Variants in R3HCC1L observed in about 807,000 individuals in gnomAD.
R3HCC1L encodes R3H domain and coiled-coil containing 1 like.
A neutral mutation model predicts 59.9 loss-of-function variants in R3HCC1L; 51 were observed. That is an observed-to-expected ratio of 0.85 (90% CI 0.68 to 1.07). The LOEUF (loss-of-function observed/expected upper bound fraction) is 1.07. R3HCC1L is among the 50% of genes least tolerant of loss of function. The pLI is 0.00. For missense variants in R3HCC1L, 965 were observed against 933.0 expected, an observed-to-expected ratio of 1.03 and a Z score of -0.45; for synonymous variants, 322 against 315.2, an observed-to-expected ratio of 1.02 and a Z score of -0.23.
intron 5 of R3HCC1L, among the ~76,000 whole-genome samples, chr10:98,224,008 G>A (rs1685423159): frequency 6.6e-6 from 1 of 152,104 alleles, no homozygotes; most frequent in Non-Finnish European, 1.5e-5. Context: ...GGGGGGTTGT[G>A]GCGGGTCAAT....
chr10:98,145,927 A>G (rs1845606693), intron 1 of R3HCC1L, among the ~76,000 whole-genome samples: 1 of 151,528 alleles, frequency 6.6e-6, no homozygotes, highest in African/African-American at 2.4e-5. Context: ...CCAGCCTGGG[A>G]GACAGAGCGA....
Position 98,209,627 on chromosome 10 carries a change from G to A in R3HCC1L, c.1513G>A (p.Val505Met), listed in dbSNP as rs369504502. 3.0e-4 allele frequency: 478 copies of A among 1,613,858 alleles called. No homozygotes were observed. The highest frequency in any genetic ancestry group is 3.6e-4 in the Non-Finnish European group (429 of 1,179,956). The change falls in exon 5 of 10, where the codon GTG becomes ATG. Residue 505 changes from valine to methionine, a missense_variant. Val to Met is a conservative substitution (Grantham distance 21, BLOSUM62 1). Coordinates refer to ENST00000298999, the MANE Select transcript of R3HCC1L (RefSeq NM_001351015.2). ...GACAAAAGTTCTTTCAGACAGTGCC[G>A]TGGGCATTGACCTGGGTAGTACTGG... ...NGTKVLSDSA[V>M]GIDLGSTGDT...
intron 9 of R3HCC1L, among the ~76,000 whole-genome samples, chr10:98,240,430 A>C (rs1490703273): frequency 2.0e-5 from 3 of 152,224 alleles, no homozygotes; most frequent in Non-Finnish European, 4.4e-5. Context: ...CTCTCAGAAT[A>C]AGCTATCTTC....
intron 4 of R3HCC1L, among the ~76,000 whole-genome samples, chr10:98,166,094 C>T (rs956788679): frequency 1.1e-4 from 16 of 152,140 alleles, no homozygotes; most frequent in African/African-American, 3.1e-4. Context: ...CACTTGAACC[C>T]GGAGGTGGAG....
intron 5 of R3HCC1L, among the ~76,000 whole-genome samples, chr10:98,223,809 A>C (rs896448236): frequency 6.6e-6 from 1 of 152,074 alleles, no homozygotes; most frequent in Admixed American, 6.6e-5. Flanking sequence ...CTGTGCACCA[A>C]AGGTAGTGAG....
intron 4 of R3HCC1L, among the ~76,000 whole-genome samples, chr10:98,182,289 G>T (rs1404902462): frequency 6.6e-6 from 1 of 152,180 alleles, no homozygotes; most frequent in Non-Finnish European, 1.5e-5. Context: ...CTGCAGGTCT[G>T]TTGGAATTTG....
chr10:98,199,663 A>G (rs1296197052), intron 4 of R3HCC1L, among the ~76,000 whole-genome samples: 2 of 151,940 alleles, frequency 1.3e-5, no homozygotes, highest in East Asian at 3.9e-4. Context: ...AATTGAGAAA[A>G]TTAGTATTTG....
chr10:98,161,831 T>G (rs1288330852), intron 2 of R3HCC1L, among the ~76,000 whole-genome samples: 1 of 152,174 alleles, frequency 6.6e-6, no homozygotes, highest in Non-Finnish European at 1.5e-5. Context: ...TTTAAAATTT[T>G]TAGTGTTTTC....
At chr10:98,173,257 A>C (rs965214763) in intron 4 of R3HCC1L, among the ~76,000 whole-genome samples, 3 of 152,184 alleles carry the variant, frequency 2.0e-5, no homozygotes, top group African/African-American at 7.2e-5. Flanking sequence ...TTTTGCAGGA[A>C]CATTGAGCCT....
At chr10:98,225,365 C>A (rs1391478755) in intron 5 of R3HCC1L, among the ~76,000 whole-genome samples, 1 of 152,216 alleles carries the variant, frequency 6.6e-6, no homozygotes, top group East Asian at 1.9e-4. Context: ...TTGACACTTT[C>A]TCCCTTTTAT....
chr10:98,219,510 C>T (rs1355372471), intron 5 of R3HCC1L, among the ~76,000 whole-genome samples: 1 of 152,046 alleles, frequency 6.6e-6, no homozygotes, highest in African/African-American at 2.4e-5. Context: ...TTGTTTCTTT[C>T]TTCCTATCTT....
At chr10:98,141,225 C>T (rs1219488193) in intron 1 of R3HCC1L, among the ~76,000 whole-genome samples, 2 of 152,162 alleles carry the variant, frequency 1.3e-5, no homozygotes, top group Non-Finnish European at 2.9e-5. Context: ...CTTTTAACTA[C>T]AGACTATATG....
intron 4 of R3HCC1L, among the ~76,000 whole-genome samples, chr10:98,184,274 T>C (rs940164889): frequency 1.3e-5 from 2 of 152,172 alleles, no homozygotes; most frequent in African/African-American, 4.8e-5. Context: ...TTTAGCTCTT[T>C]GCTCACAAAC....
At chr10:98,166,176 TCAAA>T (rs965486955) in intron 4 of R3HCC1L, among the ~76,000 whole-genome samples, 9 of 152,012 alleles carry the variant, frequency 5.9e-5, no homozygotes, top group East Asian at 3.9e-4. Flanking sequence ...GTCTCAAAAA[TCAAA>T]CAAACAAACC....
At chr10:98,194,158 A>G (rs1032309155) in intron 4 of R3HCC1L, among the ~76,000 whole-genome samples, 1 of 152,178 alleles carries the variant, frequency 6.6e-6, no homozygotes, top group East Asian at 1.9e-4. Context: ...AGCACAGACT[A>G]GAGAGCCCAG....
At chr10:98,195,442 GTTC>G (rs776276677) in intron 4 of R3HCC1L, among the ~76,000 whole-genome samples, 3 of 149,498 alleles carry the variant, frequency 2.0e-5, no homozygotes, top group East Asian at 2.0e-4. Context: ...GTAAATTTAT[GTTC>G]TTTTTTTTTT....
At chr10:98,139,546 A>G (rs749137295) in intron 1 of R3HCC1L, among the ~76,000 whole-genome samples, 8 of 152,236 alleles carry the variant, frequency 5.3e-5, no homozygotes, top group Non-Finnish European at 1.2e-4. Flanking sequence ...TGCAGAAAAC[A>G]TTTAGAATTA....
chr10:98,153,968 CAGA>C (rs1276669195), intron 1 of R3HCC1L, among the ~76,000 whole-genome samples: 4 of 152,056 alleles, frequency 2.6e-5, no homozygotes, highest in African/African-American at 9.7e-5. Context: ...TTGCAATCAT[CAGA>C]AGGAGAAAGA....
Position 98,209,886 on chromosome 10 carries a change from G to A in R3HCC1L, c.1772G>A (p.Arg591His), listed in dbSNP as rs762870806. The A allele has an allele frequency of 1.1e-5, 17 of 1,609,732 alleles. No homozygotes were observed. The African/African-American group carries it at 1.1e-4, about 10-fold the overall frequency. Reference protein sequence around the residue: ...FNDDGDCLDPRLLQELSGNTK... With the variant: ...FNDDGDCLDPHLLQELSGNTK... ...GATGATGGTGACTGCCTGGATCCACGTCTTCTACAAGAGGTATGTTTAATT... is the reference window on the plus strand; with the variant it reads ...GATGATGGTGACTGCCTGGATCCACATCTTCTACAAGAGGTATGTTTAATT... The change falls in exon 5 of 10, where the codon CGT (arginine) becomes CAT (histidine). Residue 591 changes from arginine (R) to histidine (H), a missense_variant. Arg to His is a conservative substitution (Grantham distance 29, BLOSUM62 0). Coordinates refer to ENST00000298999, the MANE Select transcript of R3HCC1L (RefSeq NM_001351015.2).
Sources: gnomAD v4.1 joint callset for allele counts (sites outside exome capture counted in the v4.1 genomes callset) on GRCh38, gnomAD v4.1.1 for gene constraint, MANE v1.5 for transcripts, NCBI Gene and HGNC (gene_info 2026-07-23, HGNC 2026-07-21) for gene names.